The following TDRD9 variants were observed in gnomAD, a reference collection of about 807,000 sequenced individuals.
TDRD9 encodes tudor domain containing 9.
TDRD9 carries 124 observed loss-of-function variants against 172.6 expected under a neutral mutation model. That is an observed-to-expected ratio of 0.72 (90% confidence interval 0.62 to 0.83). TDRD9 has a LOEUF of 0.83. TDRD9 is among the 40% of genes least tolerant of loss of function. The probability of loss-of-function intolerance (pLI) is 0.00; values close to 1 mark genes in which losing one functional copy is unlikely to be tolerated. For synonymous variants in TDRD9, 619 were observed against 617.1 expected (o/e 1.00, Z -0.05); for missense variants, 1,479 against 1,714.1 (o/e 0.86, Z 2.42).
At chr14:103,996,937 G>T (rs1207293724) in intron 12 of TDRD9, among the ~76,000 whole-genome samples, 1 of 152,142 alleles carries the variant, frequency 6.6e-6, no homozygotes, top group Non-Finnish European at 1.5e-5. Flanking sequence ...AGTGTTTGGG[G>T]TAGGAGAAGG....
intron 1 of TDRD9, among the ~76,000 whole-genome samples, chr14:103,929,532 C>A (rs1007708337): frequency 6.6e-6 from 1 of 151,642 alleles, no homozygotes; most frequent in African/African-American, 2.4e-5. Context: ...TCTCCCCCCA[C>A]CCCCCGAGAT....
intron 1 of TDRD9, among the ~76,000 whole-genome samples, chr14:103,950,270 A>G (rs566110440): frequency 6.7e-6 from 1 of 150,126 alleles, no homozygotes; most frequent in East Asian, 2.0e-4. Context: ...TGTTATTTTT[A>G]GTAGAGACAG....
intron 1 of TDRD9, chr14:103,941,692 G>T (rs2031246683): frequency 6.6e-7 from 1 of 1,508,068 alleles, no homozygotes; most frequent in Non-Finnish European, 8.8e-7. Context: ...CCAAAAAGTG[G>T]CATTTTTAGC....
chr14:104,040,623 G>T (rs777727372), intron 33 of TDRD9, among the ~76,000 whole-genome samples: 2 of 152,202 alleles, frequency 1.3e-5, no homozygotes, highest in Non-Finnish European at 2.9e-5. Context: ...GCTAAACCAC[G>T]GGGCTGTAGG....
intron 21 of TDRD9, 45 bp downstream of exon 21, chr14:104,014,886 C>T: frequency 8.6e-7 from 1 of 1,163,590 alleles, no homozygotes; most frequent in Non-Finnish European, 1.3e-6. Context: ...ATTCTTTCTG[C>T]TTACAAGGTC....
chr14:104,027,615 A>G (rs1443992908), intron 28 of TDRD9, among the ~76,000 whole-genome samples: 1 of 152,178 alleles, frequency 6.6e-6, no homozygotes, highest in African/African-American at 2.4e-5. Flanking sequence ...ATATAGAGTC[A>G]TATTTTGATA....
chr14:104,020,394 G>A (rs1046268856), intron 23 of TDRD9, among the ~76,000 whole-genome samples: 1 of 152,190 alleles, frequency 6.6e-6, no homozygotes, highest in East Asian at 1.9e-4. Context: ...GTGATTGCAT[G>A]TGGGGGGCAA....
At chr14:103,965,952 A>AAAAC (rs766699981) in intron 4 of TDRD9, among the ~76,000 whole-genome samples, 38 of 152,016 alleles carry the variant, frequency 2.5e-4, no homozygotes, top group Non-Finnish European at 7.4e-5. Context: ...CTCAAAACAA[A>AAAAC]AAACAAACAA....
At chr14:103,943,002 C>CA (rs1462257156) in intron 1 of TDRD9, among the ~76,000 whole-genome samples, 3 of 150,648 alleles carry the variant, frequency 2.0e-5, no homozygotes, top group Non-Finnish European at 4.4e-5. Flanking sequence ...AAATTCTAAA[C>CA]AAAATCTTAT....
rs2034473670 is a variant in TDRD9, at chr14:104,007,338, G to T, written c.2052+134G>T. Reference sequence around the variant, plus strand: ...GGAGTCGAGGTCACTGTCAGTGCTCGCACGGCTGTCCCAAGAGTGGCAGGC... The same window carrying T: ...GGAGTCGAGGTCACTGTCAGTGCTCTCACGGCTGTCCCAAGAGTGGCAGGC... On this transcript the variant is annotated intron_variant, in intron 19 of 35. Coordinates refer to ENST00000409874, the MANE Select transcript of TDRD9 (RefSeq NM_153046.3). 6 of 777,668 alleles carry T rather than the reference G, an allele frequency of 7.7e-6. No homozygotes were observed. In the South Asian group the frequency reaches 9.1e-5, roughly 12 times the overall value. The allele number at this position is 777,668 out of a possible 1,614,324, so 48.2% of individuals were successfully genotyped here.
At chr14:103,970,734 A>T (rs1198511472) in intron 6 of TDRD9, 113 bp downstream of exon 6, 2 of 785,364 alleles carry the variant, frequency 2.5e-6, no homozygotes, top group Admixed American at 2.7e-5. Flanking sequence ...CCCCGGACAG[A>T]TACTAAAATC....
chr14:104,002,203 C>G (rs762631945), intron 13 of TDRD9, among the ~76,000 whole-genome samples: 3 of 151,522 alleles, frequency 2.0e-5, no homozygotes, highest in Non-Finnish European at 4.4e-5. Flanking sequence ...GCCTGTACTC[C>G]CAGCTACTCA....
intron 23 of TDRD9, among the ~76,000 whole-genome samples, chr14:104,021,938 G>T (rs1175837778): frequency 2.0e-5 from 3 of 152,012 alleles, no homozygotes; most frequent in Non-Finnish European, 1.5e-5. Context: ...GATGATACTT[G>T]GTTTTGGTTT....
At chr14:103,956,994 G>T (rs1369953473) in intron 2 of TDRD9, among the ~76,000 whole-genome samples, 1 of 152,184 alleles carries the variant, frequency 6.6e-6, no homozygotes, top group Admixed American at 6.5e-5. Context: ...GGGCACAAAT[G>T]TGGGTTCAAG....
In TDRD9 at chr14:104,026,037, T is replaced by A. The variant is rs1459481907; in HGVS notation, c.2932-10T>A. 6.3e-6 allele frequency: 10 copies of A among 1,579,168 alleles called. No individual in the cohort carries two copies. Among genetic ancestry groups the A allele is most frequent in the Non-Finnish European group, 8.7e-6 (10 of 1,148,400 alleles). On this transcript the variant is annotated splice_polypyrimidine_tract_variant and intron_variant, in intron 26 of 35. Transcript: ENST00000409874. Reference sequence around the variant, plus strand: ...CCCGTCGTAAAGTGTATACTTGCTTTATTTTCTAGGTATTCTTTGTAGATT... The same window carrying A: ...CCCGTCGTAAAGTGTATACTTGCTTAATTTTCTAGGTATTCTTTGTAGATT...
intron 7 of TDRD9, among the ~76,000 whole-genome samples, chr14:103,985,651 A>G (rs2033633479): frequency 6.6e-6 from 1 of 152,172 alleles, no homozygotes; most frequent in Non-Finnish European, 1.5e-5. Context: ...GCTTTAATAG[A>G]CAATTAAAAG....
Position 104,026,159 on chromosome 14 carries a change from G to C in TDRD9, c.3021+23G>C, listed in dbSNP as rs1389013430. 1.0e-5 allele frequency: 15 copies of C among 1,458,532 alleles called. No homozygotes were observed. The East Asian group carries it at 3.2e-4, about 31-fold the overall frequency. 90.3% of individuals were successfully genotyped at this position (1,458,532 alleles called of 1,614,324 possible). Reference sequence around the variant, plus strand: ...CAGGTAAGGTAGAGAAGACTCTAGGGAATGAATGCTGCATGCTGGACAGGA... The same window carrying C: ...CAGGTAAGGTAGAGAAGACTCTAGGCAATGAATGCTGCATGCTGGACAGGA... On this transcript the variant is annotated intron_variant, in intron 27 of 35. Coordinates refer to ENST00000409874, the MANE Select transcript of TDRD9 (RefSeq NM_153046.3).
rs74089126 is a variant in TDRD9 at position 104,034,129 on chromosome 14, T to A, written c.3619+60T>A. The stretch of plus-strand genomic sequence containing the variant: ...CTTTTTTCTTTTCCTTGACTTCAGC[T>A]ACTAGGAACAACTTATCCTATAATT... On this transcript the variant is annotated intron_variant, in intron 31 of 35. Coordinates refer to ENST00000409874, the MANE Select transcript of TDRD9 (RefSeq NM_153046.3). 2,005 of 1,000,324 alleles carry A rather than the reference T, an allele frequency of 2.0e-3. 29 individuals are homozygous for A. The African/African-American group carries it at 0.028, about 14-fold the overall frequency. The allele number at this position is 1,000,324 out of a possible 1,614,324, so 62.0% of individuals were successfully genotyped here.
chr14:104,008,970 T>G (rs976235686), intron 20 of TDRD9, among the ~76,000 whole-genome samples: 2 of 152,224 alleles, frequency 1.3e-5, no homozygotes, highest in Admixed American at 6.5e-5. Context: ...AATACAATCT[T>G]ACATTGCTTA....
Sources: gnomAD v4.1 joint callset for allele counts (sites outside exome capture counted in the v4.1 genomes callset) on GRCh38, gnomAD v4.1.1 for gene constraint, MANE v1.5 for transcripts, NCBI Gene and HGNC (gene_info 2026-07-23, HGNC 2026-07-21) for gene names.